B4GALNT3: variants seen among roughly 807,000 people sequenced by gnomAD.
B4GALNT3 encodes beta-1,4-N-acetylgalactosaminyltransferase 3.
B4GALNT3 carries 86 observed loss-of-function variants against 120.2 expected under a neutral mutation model. That is an observed-to-expected ratio of 0.72 (90% CI 0.60 to 0.86). B4GALNT3 has a LOEUF of 0.86. B4GALNT3 is among the 40% of genes least tolerant of loss of function. The pLI, the probability that B4GALNT3 is intolerant of heterozygous loss-of-function variation, is 0.00. For synonymous variants in B4GALNT3, 518 were observed against 510.4 expected, an observed-to-expected ratio of 1.01 and a Z score of -0.20; for missense variants, 1,167 against 1,298.9, an observed-to-expected ratio of 0.90 and a Z score of 1.56.
chr12:545,607 A>AC, intron 6 of B4GALNT3, 138 bp downstream of exon 6: 1 of 812,638 alleles, frequency 1.2e-6, no homozygotes, highest in Non-Finnish European at 1.9e-6. Flanking sequence ...CTCCTCCCTC[A>AC]CCCCTACCCC....
At chr12:476,220 G>C (rs1348909330) in intron 1 of B4GALNT3, among the ~76,000 whole-genome samples, 1 of 152,160 alleles carries the variant, frequency 6.6e-6, no homozygotes, top group African/African-American at 2.4e-5. Context: ...TTGTGTTTTT[G>C]TTGTGACAAT....
At chr12:519,563 C>T (rs1209646850) in intron 1 of B4GALNT3, among the ~76,000 whole-genome samples, 2 of 151,616 alleles carry the variant, frequency 1.3e-5, no homozygotes, top group East Asian at 3.9e-4. Context: ...CTAGTATTGG[C>T]TCCTTCCCCA....
intron 1 of B4GALNT3, among the ~76,000 whole-genome samples, chr12:474,242 A>T (rs1302902230): frequency 6.6e-6 from 1 of 152,160 alleles, no homozygotes; most frequent in Non-Finnish European, 1.5e-5. Flanking sequence ...GCAGAAAATG[A>T]TCGTGGCTTT....
rs767621995 is a variant in B4GALNT3 at position 557,602 on chromosome 12, G to A, written c.2381-6G>A. 2 of 1,607,896 alleles carry A rather than the reference G, an allele frequency of 1.2e-6. No homozygotes were observed. The highest frequency in any genetic ancestry group is 1.7e-6 in the Non-Finnish European group (2 of 1,177,890). On this transcript the variant is annotated splice_region_variant and splice_polypyrimidine_tract_variant and intron_variant, in intron 15 of 19. Transcript: ENST00000266383. Reference sequence around the variant, plus strand: ...TTTCCTTCTCCTGCCTGACCCCCTGGGGTAGTGAAGAACCAGGCACGCTGG... The same window carrying A: ...TTTCCTTCTCCTGCCTGACCCCCTGAGGTAGTGAAGAACCAGGCACGCTGG...
intron 1 of B4GALNT3, among the ~76,000 whole-genome samples, chr12:491,555 C>T (rs1393164029): frequency 6.6e-6 from 1 of 151,868 alleles, no homozygotes; most frequent in African/African-American, 2.4e-5. Context: ...TCTTGAACTC[C>T]TGAGCTCAAG....
rs576648070 is a variant in B4GALNT3, at chr12:510,978, C to G, written c.170-24188C>G. Among the ~76,000 whole-genome samples, 161 of 146,962 alleles carry G rather than the reference C, an allele frequency of 1.1e-3. 3 individuals are homozygous for G. The highest frequency in any genetic ancestry group is 3.8e-3 in the Middle Eastern group (1 of 264). ...CTCCCCACCTCCAGCACTGGAACCA[C>G]GACTCTCCTTTTGGTCTCTATGGAT... On this transcript the variant is annotated intron_variant, in intron 1 of 19. Coordinates refer to ENST00000266383, the MANE Select transcript of B4GALNT3 (RefSeq NM_173593.4).
intron 1 of B4GALNT3, among the ~76,000 whole-genome samples, chr12:523,131 C>G (rs1371453225): frequency 6.6e-6 from 1 of 152,120 alleles, no homozygotes; most frequent in Non-Finnish European, 1.5e-5. Context: ...CCACAGGGTG[C>G]TGGGGCAGTC....
chr12:560,790 G>A (rs529821596), intron 19 of B4GALNT3, among the ~76,000 whole-genome samples: 1 of 152,188 alleles, frequency 6.6e-6, no homozygotes, highest in South Asian at 2.1e-4. Context: ...CAGGCATCCA[G>A]TTCGGCCACT....
chr12:512,259 TCTTCCACCTTCTTCCACCTTCCAC>T (rs1946587990), intron 1 of B4GALNT3, among the ~76,000 whole-genome samples: 2 of 45,418 alleles, frequency 4.4e-5, no homozygotes, highest in African/African-American at 1.6e-4. Flanking sequence ...TCTTCCACCT[TCTTCCACCTTCTTCCACCTTCCAC>T]CTTCCACCTT....
intron 1 of B4GALNT3, among the ~76,000 whole-genome samples, chr12:477,886 A>G (rs1327097752): frequency 2.0e-5 from 3 of 152,210 alleles, no homozygotes; most frequent in Non-Finnish European, 4.4e-5. Flanking sequence ...GAGGGTAAAA[A>G]GTGAAATGGG....
intron 3 of B4GALNT3, among the ~76,000 whole-genome samples, chr12:538,939 G>A (rs1031573199): frequency 2.0e-5 from 3 of 152,180 alleles, no homozygotes; most frequent in Non-Finnish European, 2.9e-5. Flanking sequence ...ACTACTGTCC[G>A]GGAGCTGTCA....
intron 1 of B4GALNT3, among the ~76,000 whole-genome samples, chr12:468,108 G>A (rs1726469288): frequency 6.6e-6 from 1 of 152,032 alleles, no homozygotes; most frequent in Non-Finnish European, 1.5e-5. Flanking sequence ...TATGGTCATT[G>A]TAAACTACTT....
At chr12:531,402 A>G (rs1172104864) in intron 1 of B4GALNT3, among the ~76,000 whole-genome samples, 2 of 152,122 alleles carry the variant, frequency 1.3e-5, no homozygotes. Context: ...TAATCCCAGC[A>G]CTTTGGGAGG....
chr12:557,818 G>T, intron 16 of B4GALNT3, 57 bp downstream of exon 16: 1 of 1,555,220 alleles, frequency 6.4e-7, no homozygotes, highest in South Asian at 1.2e-5. Context: ...TAAAGTCCTA[G>T]GGCTGCTGGG....
At chr12:484,906 C>T (rs1946276312) in intron 1 of B4GALNT3, among the ~76,000 whole-genome samples, 1 of 151,910 alleles carries the variant, frequency 6.6e-6, no homozygotes, top group African/African-American at 2.4e-5. Context: ...CCGGTGTGTT[C>T]TGAACTCAGG....
intron 3 of B4GALNT3, chr12:543,053 C>A: frequency 8.1e-7 from 1 of 1,229,074 alleles, no homozygotes; most frequent in South Asian, 1.3e-5. Flanking sequence ...GTCCTCTCAG[C>A]TATTCTGTCA....
In B4GALNT3 at chr12:460,598, C is replaced by T. The variant is rs2120393184; in HGVS notation, c.169+53C>T. ...GCGCGGGGGTGGGCGGCGGCGGCGG[C>T]TCCTGCGTTGGGGGGACCCGCCTCT... On this transcript the variant is annotated intron_variant, in intron 1 of 19. Transcript: ENST00000266383. The surrounding 1 kb of genome is among the most constrained non-coding windows in gnomAD (Gnocchi z 8.0). The T allele has an allele frequency of 7.6e-7, 1 of 1,308,592 alleles. No individual in the cohort carries two copies. Among genetic ancestry groups the T allele is most frequent in the Non-Finnish European group, 9.8e-7 (1 of 1,018,254 alleles). The allele number at this position is 1,308,592 out of a possible 1,614,324, so 81.1% of individuals were successfully genotyped here.
In B4GALNT3 at chr12:557,599, C is replaced by G; in HGVS notation, c.2381-9C>G. On this transcript the variant is annotated splice_polypyrimidine_tract_variant and intron_variant, in intron 15 of 19. Transcript: ENST00000266383. The stretch of plus-strand genomic sequence containing the variant: ...GTGTTTCCTTCTCCTGCCTGACCCC[C>G]TGGGGTAGTGAAGAACCAGGCACGC... 1 of 1,607,318 alleles carries G rather than the reference C, an allele frequency of 6.2e-7. No homozygotes were observed.
At chr12:467,901 C>T (rs572898457) in intron 1 of B4GALNT3, among the ~76,000 whole-genome samples, 3 of 152,132 alleles carry the variant, frequency 2.0e-5, no homozygotes, top group East Asian at 1.9e-4. Context: ...CTATTGGTCA[C>T]GTAAGTTGCA....
Sources: gnomAD v4.1 joint callset for allele counts (sites outside exome capture counted in the v4.1 genomes callset) on GRCh38, gnomAD v4.1.1 for gene constraint, Gnocchi (gnomAD v3.1) non-coding constraint, MANE v1.5 for transcripts, NCBI Gene and HGNC (gene_info 2026-07-23, HGNC 2026-07-21) for gene names.